The following SLC7A1 variants were observed in gnomAD, a reference collection of about 807,000 sequenced individuals.
SLC7A1 encodes high affinity cationic amino acid transporter 1.
In SLC7A1, 10 loss-of-function variants were observed where a neutral mutation model predicts 53.9. That is an observed-to-expected ratio of 0.19 (90% CI 0.11 to 0.31). The LOEUF (loss-of-function observed/expected upper bound fraction) is 0.31, where lower values mean the gene tolerates loss of function less well. Ranked by LOEUF, SLC7A1 falls within the 10% of genes least tolerant of loss-of-function variation. SLC7A1 has a pLI of 1.00. For missense variants in SLC7A1, 525 were observed against 827.2 expected (o/e 0.63, Z 4.48); for synonymous variants, 342 against 338.7 (o/e 1.01, Z -0.11).
At chr13:29,525,836 A>C (rs929942161) in intron 5 of SLC7A1, among the ~76,000 whole-genome samples, 13 of 152,202 alleles carry the variant, frequency 8.5e-5, no homozygotes, top group Non-Finnish European at 1.5e-4. Flanking sequence ...GTTCAAAACC[A>C]AGCATCCCAG....
chr13:29,527,902 A>T (rs1389495727), intron 5 of SLC7A1, among the ~76,000 whole-genome samples: 1 of 152,246 alleles, frequency 6.6e-6, no homozygotes, highest in Non-Finnish European at 1.5e-5. Context: ...TGGACATATG[A>T]GCCTTAAGAA....
intron 1 of SLC7A1, among the ~76,000 whole-genome samples, chr13:29,567,013 G>A (rs915184094): frequency 6.6e-6 from 1 of 152,182 alleles, no homozygotes; most frequent in Non-Finnish European, 1.5e-5. Flanking sequence ...CACTCTACTT[G>A]CACAAGCTAT....
intron 3 of SLC7A1, 133 bp downstream of exon 3, chr13:29,535,686 G>A: frequency 2.3e-6 from 2 of 861,220 alleles, no homozygotes; most frequent in Non-Finnish European, 1.8e-6. Context: ...AAATGAATCA[G>A]AAACATCCTA....
intron 9 of SLC7A1, among the ~76,000 whole-genome samples, chr13:29,518,758 C>G (rs1024552275): frequency 1.3e-5 from 2 of 152,072 alleles, no homozygotes; most frequent in African/African-American, 2.4e-5. Flanking sequence ...TGAGGAGGCT[C>G]TTGAGGGGAG....
At chr13:29,560,761 G>C (rs1016800924) in intron 1 of SLC7A1, among the ~76,000 whole-genome samples, 6 of 152,090 alleles carry the variant, frequency 3.9e-5, no homozygotes, top group Non-Finnish European at 7.4e-5. Flanking sequence ...TACTGTCATA[G>C]ATGAGGTCTA....
intron 2 of SLC7A1, among the ~76,000 whole-genome samples, chr13:29,538,535 G>T (rs1461938726): frequency 6.6e-6 from 1 of 152,196 alleles, no homozygotes; most frequent in African/African-American, 2.4e-5. Context: ...AGTTAAGTGA[G>T]AGCCTCCGAG....
At chr13:29,557,703 T>A (rs1356996072) in intron 1 of SLC7A1, among the ~76,000 whole-genome samples, 8 of 94,920 alleles carry the variant, frequency 8.4e-5, no homozygotes, top group African/African-American at 1.8e-4. Flanking sequence ...TGGGGGGGAG[T>A]GAATGTGAAT....
chr13:29,565,101 A>G (rs1216221671), intron 1 of SLC7A1, among the ~76,000 whole-genome samples: 1 of 152,222 alleles, frequency 6.6e-6, no homozygotes, highest in Non-Finnish European at 1.5e-5. Context: ...TGGTTTGTCA[A>G]TATTTTTAAA....
intron 9 of SLC7A1, among the ~76,000 whole-genome samples, chr13:29,518,330 G>A (rs926062171): frequency 1.3e-5 from 2 of 152,130 alleles, no homozygotes; most frequent in Admixed American, 6.5e-5. Context: ...TTGGAGGGCC[G>A]AGCCTGCAGC....
At chr13:29,588,107 C>A (rs34578457) in intron 1 of SLC7A1, among the ~76,000 whole-genome samples, 1 of 152,160 alleles carries the variant, frequency 6.6e-6, no homozygotes, top group Non-Finnish European at 1.5e-5. Context: ...GAAAATCACA[C>A]CTCTTTTGAA....
chr13:29,578,870 C>G (rs780824643), intron 1 of SLC7A1, among the ~76,000 whole-genome samples: 1 of 152,280 alleles, frequency 6.6e-6, no homozygotes, highest in African/African-American at 2.4e-5. Flanking sequence ...CTGCCCTTCT[C>G]TCCGCAGGCG....
chr13:29,515,779 C>T (rs1003186613), intron 12 of SLC7A1, among the ~76,000 whole-genome samples: 1 of 152,250 alleles, frequency 6.6e-6, no homozygotes, highest in African/African-American at 2.4e-5. Context: ...ATGACATCCA[C>T]CCTGCCTGGG....
chr13:29,561,012 C>T (rs1042059904), intron 1 of SLC7A1, among the ~76,000 whole-genome samples: 37 of 152,154 alleles, frequency 2.4e-4, no homozygotes, highest in African/African-American at 8.5e-4. Context: ...ACTTACAAAG[C>T]GGTTTCGCCT....
chr13:29,531,028 A>T (rs967549847), intron 4 of SLC7A1, among the ~76,000 whole-genome samples: 6 of 152,056 alleles, frequency 3.9e-5, no homozygotes, highest in African/African-American at 1.4e-4. Context: ...TCTCATAGGG[A>T]GGGGAAAGCC....
At chr13:29,544,612 C>A (rs1449977905) in intron 2 of SLC7A1, among the ~76,000 whole-genome samples, 1 of 152,032 alleles carries the variant, frequency 6.6e-6, no homozygotes. Flanking sequence ...ATGCCTGGCC[C>A]CAGCACAAAT....
chr13:29,540,751 G>A (rs147397383), intron 2 of SLC7A1, among the ~76,000 whole-genome samples: 39 of 152,282 alleles, frequency 2.6e-4, no homozygotes, highest in African/African-American at 8.4e-4. Context: ...GGCCCCAGTC[G>A]ACCCCTTTCT....
At chr13:29,580,656 A>G (rs1399859195) in intron 1 of SLC7A1, among the ~76,000 whole-genome samples, 2 of 152,216 alleles carry the variant, frequency 1.3e-5, no homozygotes, top group Non-Finnish European at 2.9e-5. Context: ...TATAAAGCAG[A>G]GAGACTATTC....
chr13:29,534,668 G>C (rs900843862), intron 3 of SLC7A1, among the ~76,000 whole-genome samples: 8 of 152,302 alleles, frequency 5.3e-5, no homozygotes, highest in African/African-American at 1.9e-4. Context: ...AGGGCTGCGA[G>C]GATCCCAGCA....
chr13:29,537,204 G>A (rs1213664948), intron 2 of SLC7A1, among the ~76,000 whole-genome samples: 1 of 152,192 alleles, frequency 6.6e-6, no homozygotes, highest in Non-Finnish European at 1.5e-5. Context: ...ACTCTTCAGT[G>A]GAGAAACCCG....
Sources: gnomAD v4.1 joint callset for allele counts (sites outside exome capture counted in the v4.1 genomes callset) on GRCh38, gnomAD v4.1.1 for gene constraint, MANE v1.5 for transcripts, NCBI Gene and HGNC (gene_info 2026-07-23, HGNC 2026-07-21) for gene names.